Variants in ITSN1 observed in about 807,000 individuals in gnomAD.
ITSN1 encodes intersectin-1.
ITSN1 carries 58 observed loss-of-function variants against 239.8 expected under a neutral mutation model. That is an observed-to-expected ratio of 0.24 (90% CI 0.20 to 0.30). The LOEUF (loss-of-function observed/expected upper bound fraction) is 0.30. Ranked by LOEUF, ITSN1 falls within the 10% of genes least tolerant of loss-of-function variation. The probability of loss-of-function intolerance (pLI) is 1.00; values close to 1 mark genes in which losing one functional copy is unlikely to be tolerated. For missense variants in ITSN1, 1,558 were observed against 2,103.3 expected (o/e 0.74, Z 5.07); for synonymous variants, 780 against 770.8 (o/e 1.01, Z -0.20).
Position 33,898,125 on chromosome 21 carries a change from T to A in ITSN1, c.*9825T>A, listed in dbSNP as rs1382785345. On this transcript the variant is annotated 3_prime_UTR_variant, in exon 40 of 40. Coordinates refer to ENST00000381318, the MANE Select transcript of ITSN1 (RefSeq NM_003024.3). Reference sequence around the variant, plus strand: ...AGATCCATGTGCCACGCAGGCTTCCTTGGGTTCTAGTGGATTTGTTAGGGA... The same window carrying A: ...AGATCCATGTGCCACGCAGGCTTCCATGGGTTCTAGTGGATTTGTTAGGGA... The A allele has an allele frequency of 1.3e-5, 2 of 152,206 alleles. No individual in the cohort carries two copies. The highest frequency in any genetic ancestry group is 4.8e-5 in the African/African-American group (2 of 41,446). 9.4% of individuals were successfully genotyped at this position (152,206 alleles called of 1,614,324 possible).
At chr21:33,874,994 T>C (rs1174910498) in intron 33 of ITSN1, among the ~76,000 whole-genome samples, 2 of 152,218 alleles carry the variant, frequency 1.3e-5, no homozygotes, top group African/African-American at 4.8e-5. Flanking sequence ...CATGGTTATA[T>C]GTACACACTG....
At chr21:33,826,641 AT>A (rs1309241128) in intron 25 of ITSN1, among the ~76,000 whole-genome samples, 176 bp from the exon 26 acceptor site, 4 of 151,844 alleles carry the variant, frequency 2.6e-5, no homozygotes, top group Non-Finnish European at 5.9e-5. Context: ...TGTTTTAATT[AT>A]TTTTTTCCAT....
intron 11 of ITSN1, among the ~76,000 whole-genome samples, 173 bp from the exon 12 acceptor site, chr21:33,771,886 CAG>C (rs1156986573): frequency 2.6e-5 from 4 of 152,270 alleles, no homozygotes; most frequent in East Asian, 1.9e-4. Flanking sequence ...AAGATATAAA[CAG>C]AGAGGTTAGG....
At position 33,767,753 on chromosome 21, in the gene ITSN1, A is replaced by G. The variant is rs773608079; in HGVS notation, c.967A>G (p.Thr323Ala). 2.5e-6 allele frequency: 4 copies of G among 1,613,190 alleles called. No individual in the cohort carries two copies. In the Admixed American group the frequency reaches 6.7e-5, roughly 27 times the overall value. The change falls in exon 11 of 40, where the codon ACA becomes GCA. Residue 323 changes from threonine (T) to alanine (A), a missense_variant. Physicochemically the swap from Thr to Ala is moderately conservative, Grantham distance 58. Coordinates refer to ENST00000381318, the MANE Select transcript of ITSN1 (RefSeq NM_003024.3). ...CAGTGGTATATCTGTCATAAGCTCA[A>G]CATCTGTAGATCAGAGGCTACCAGA... Reference protein sequence around the residue: ...SGSGISVISSTSVDQRLPEEP... With the variant: ...SGSGISVISSASVDQRLPEEP...
chr21:33,704,306 T>C (rs978473050), intron 1 of ITSN1, among the ~76,000 whole-genome samples: 3 of 152,162 alleles, frequency 2.0e-5, no homozygotes, highest in African/African-American at 4.8e-5. Flanking sequence ...TGCTATGACA[T>C]TACAAAAAAA....
intron 20 of ITSN1, among the ~76,000 whole-genome samples, chr21:33,807,228 C>T (rs1308421964): frequency 6.6e-6 from 1 of 152,110 alleles, no homozygotes; most frequent in Non-Finnish European, 1.5e-5. Flanking sequence ...CTGATATGGC[C>T]CCCTCCTTCA....
At chr21:33,677,676 C>T (rs1045384317) in intron 1 of ITSN1, among the ~76,000 whole-genome samples, 16 of 152,080 alleles carry the variant, frequency 1.1e-4, no homozygotes, top group African/African-American at 3.6e-4. Flanking sequence ...CACCCTAATG[C>T]GCACACCCCA....
intron 2 of ITSN1, among the ~76,000 whole-genome samples, chr21:33,720,827 C>T (rs2065441193): frequency 6.6e-6 from 1 of 152,124 alleles, no homozygotes; most frequent in Non-Finnish European, 1.5e-5. Flanking sequence ...CTTGAGAGTA[C>T]AGTTTTAGGT....
At chr21:33,667,461 A>C (rs1433191770) in intron 1 of ITSN1, among the ~76,000 whole-genome samples, 1 of 152,184 alleles carries the variant, frequency 6.6e-6, no homozygotes, top group Non-Finnish European at 1.5e-5. Context: ...TTGTAAGCCA[A>C]ATGACTCTTT....
At chr21:33,693,017 G>A (rs867633442) in intron 1 of ITSN1, among the ~76,000 whole-genome samples, 5 of 152,136 alleles carry the variant, frequency 3.3e-5, no homozygotes, top group East Asian at 1.9e-4. Flanking sequence ...GGCTGGTCTT[G>A]AACTCCTGAC....
intron 1 of ITSN1, among the ~76,000 whole-genome samples, chr21:33,692,479 C>G (rs1463416844): frequency 6.6e-6 from 1 of 152,164 alleles, no homozygotes; most frequent in Non-Finnish European, 1.5e-5. Context: ...TTAGTGCTGT[C>G]AATCCTGTGA....
intron 1 of ITSN1, among the ~76,000 whole-genome samples, chr21:33,656,630 G>A (rs1260530328): frequency 6.6e-6 from 1 of 152,120 alleles, no homozygotes; most frequent in African/African-American, 2.4e-5. Flanking sequence ...CTACCTCCAG[G>A]GTTCAAACGG....
chr21:33,744,954 T>C (rs1353339028), intron 5 of ITSN1, among the ~76,000 whole-genome samples: 1 of 152,234 alleles, frequency 6.6e-6, no homozygotes, highest in Non-Finnish European at 1.5e-5. Flanking sequence ...GTATATGAGC[T>C]GTACAACTGG....
At chr21:33,683,266 T>G (rs901978729) in intron 1 of ITSN1, among the ~76,000 whole-genome samples, 3 of 152,132 alleles carry the variant, frequency 2.0e-5, no homozygotes, top group African/African-American at 7.2e-5. Context: ...TTCAATGATC[T>G]AAAAGTGAAG....
At chr21:33,733,451 A>G (rs1487367809) in intron 4 of ITSN1, among the ~76,000 whole-genome samples, 1 of 152,184 alleles carries the variant, frequency 6.6e-6, no homozygotes, top group Non-Finnish European at 1.5e-5. Flanking sequence ...TCAAGGACTA[A>G]CAACCTTCTA....
chr21:33,686,238 AT>A (rs556853826), intron 1 of ITSN1, among the ~76,000 whole-genome samples: 51 of 148,852 alleles, frequency 3.4e-4, no homozygotes, highest in South Asian at 4.3e-4. Flanking sequence ...CTGTGATTAG[AT>A]TTTTTTTTTT....
intron 29 of ITSN1, chr21:33,837,845 G>C (rs1329682235): frequency 1.0e-6 from 1 of 985,694 alleles, no homozygotes; most frequent in East Asian, 1.1e-4. Flanking sequence ...TTAATTTTGC[G>C]TGTTTGCATA....
At chr21:33,770,996 C>T (rs969825646) in intron 11 of ITSN1, among the ~76,000 whole-genome samples, 5 of 151,984 alleles carry the variant, frequency 3.3e-5, no homozygotes, top group Non-Finnish European at 5.9e-5. Context: ...GAACTCCTGA[C>T]CTCAAGTGAT....
At chr21:33,736,022 T>C (rs1018588780) in intron 5 of ITSN1, among the ~76,000 whole-genome samples, 5 of 152,180 alleles carry the variant, frequency 3.3e-5, no homozygotes, top group African/African-American at 1.2e-4. Context: ...CATAAAAAAT[T>C]ATCTTTCAAC....
Sources: allele counts gnomAD v4.1 joint callset (sites outside exome capture counted in the v4.1 genomes callset), GRCh38; gene constraint gnomAD v4.1.1; transcripts MANE v1.5; gene names NCBI Gene and HGNC (gene_info 2026-07-23, HGNC 2026-07-21).